ARHGEF26: variants seen among roughly 807,000 people sequenced by gnomAD.
The protein encoded by ARHGEF26 is Rho guanine nucleotide exchange factor (GEF) 26.
In ARHGEF26, 59 loss-of-function variants were observed where a neutral mutation model predicts 89.4. That is an observed-to-expected ratio of 0.66 (90% CI 0.54 to 0.82). The LOEUF (loss-of-function observed/expected upper bound fraction) is 0.82, where lower values mean the gene tolerates loss of function less well. Ranked by LOEUF, ARHGEF26 falls within the 40% of genes least tolerant of loss-of-function variation. ARHGEF26 has a pLI of 0.00. For synonymous variants in ARHGEF26, 500 were observed against 428.4 expected (o/e 1.17, Z -2.06); for missense variants, 1,234 against 1,085.6 (o/e 1.14, Z -1.92).
intron 6 of ARHGEF26, among the ~76,000 whole-genome samples, chr3:154,176,156 G>A (rs570015039): frequency 6.6e-6 from 1 of 152,160 alleles, no homozygotes; most frequent in Non-Finnish European, 1.5e-5. Context: ...CTATCACCCT[G>A]TGAAAGGATC....
chr3:154,252,460 T>G (rs1412099003), intron 12 of ARHGEF26, among the ~76,000 whole-genome samples: 1 of 152,208 alleles, frequency 6.6e-6, no homozygotes, highest in Non-Finnish European at 1.5e-5. Context: ...AAGTGCTTGC[T>G]TATCTGAAAC....
chr3:154,163,307 G>A (rs184047326), intron 6 of ARHGEF26, among the ~76,000 whole-genome samples: 7 of 152,248 alleles, frequency 4.6e-5, no homozygotes, highest in Admixed American at 4.6e-4. Flanking sequence ...ACAACATTGT[G>A]TGGACTTACT....
Position 154,191,406 on chromosome 3 carries a change from C to T in ARHGEF26, c.1758C>T (p.Pro586=), listed in dbSNP as rs1713950791. The T allele has an allele frequency of 2.5e-6, 4 of 1,613,710 alleles. No individual in the cohort carries two copies. Among genetic ancestry groups the T allele is most frequent in the Non-Finnish European group, 3.4e-6 (4 of 1,179,762 alleles). The change falls in exon 8 of 15, where the codon CCC becomes CCT. Residue 586 remains proline, a synonymous_variant. Transcript: ENST00000465093. ...ILPMQRVTRL[P]LLMDTICQKT... is the part of the protein sequence containing the mutation. The stretch of plus-strand genomic sequence containing the variant: ...CCATGCAGAGGGTGACCCGCCTTCC[C>T]CTGCTGATGGATGTAAGACATGACG...
chr3:154,252,282 GATT>G (rs1343707436), intron 12 of ARHGEF26, among the ~76,000 whole-genome samples: 1 of 152,144 alleles, frequency 6.6e-6, no homozygotes, highest in African/African-American at 2.4e-5. Context: ...CTTTTGAGAG[GATT>G]ACATGGAATA....
chr3:154,216,788 G>T (rs1715780915), intron 9 of ARHGEF26, among the ~76,000 whole-genome samples: 2 of 69,456 alleles, frequency 2.9e-5, no homozygotes, highest in African/African-American at 6.8e-5. Flanking sequence ...CGCGGTGTTT[G>T]GTTTTTTGTT....
intron 4 of ARHGEF26, among the ~76,000 whole-genome samples, chr3:154,133,859 T>C (rs1718835404): frequency 6.6e-6 from 1 of 152,208 alleles, no homozygotes; most frequent in Non-Finnish European, 1.5e-5. Flanking sequence ...TTTGTTTATG[T>C]CATCCCTGAT....
At chr3:154,121,786 C>G (rs1416440794) in intron 1 of ARHGEF26, among the ~76,000 whole-genome samples, 156 bp from the exon 2 acceptor site, 1 of 152,188 alleles carries the variant, frequency 6.6e-6, no homozygotes, top group African/African-American at 2.4e-5. Context: ...AACCGCGCAC[C>G]GCAGTGGTGC....
At chr3:154,229,016 C>G (rs1716670876) in intron 11 of ARHGEF26, among the ~76,000 whole-genome samples, 1 of 152,102 alleles carries the variant, frequency 6.6e-6, no homozygotes, top group African/African-American at 2.4e-5. Context: ...CTCCTCCGAT[C>G]CAGACTGGCA....
intron 10 of ARHGEF26, among the ~76,000 whole-genome samples, chr3:154,221,348 T>C (rs1716114121): frequency 6.6e-6 from 1 of 152,214 alleles, no homozygotes; most frequent in Middle Eastern, 3.2e-3. Flanking sequence ...ATTGATGGAA[T>C]TGGAGAAAAA....
intron 4 of ARHGEF26, among the ~76,000 whole-genome samples, chr3:154,142,483 A>G (rs1190450221): frequency 1.3e-5 from 2 of 152,218 alleles, no homozygotes; most frequent in African/African-American, 2.4e-5. Context: ...CCTGCTTTGT[A>G]CATCTAATGG....
chr3:154,191,263 T>C, intron 7 of ARHGEF26, 26 bp from the exon 8 acceptor site: 1 of 1,580,774 alleles, frequency 6.3e-7, no homozygotes, highest in South Asian at 1.2e-5. Context: ...TATTTTGAAG[T>C]TTCTCTTTTC....
At position 154,164,401 on chromosome 3, in the gene ARHGEF26, A is replaced by T. The variant is rs368157967; in HGVS notation, c.1487+11469A>T. ...TAATTTTAAAAATATATTTATAAAAAATATCCTGAGGAACATATGATGAAT... is the reference window on the plus strand; with the variant it reads ...TAATTTTAAAAATATATTTATAAAATATATCCTGAGGAACATATGATGAAT... On this transcript the variant is annotated intron_variant, in intron 6 of 14. Coordinates refer to ENST00000465093, the MANE Select transcript of ARHGEF26 (RefSeq NM_015595.4). Among the ~76,000 whole-genome samples, 3 of 151,758 alleles carry T rather than the reference A, an allele frequency of 2.0e-5. No individual in the cohort carries two copies. In the East Asian group the frequency reaches 5.8e-4, roughly 29 times the overall value.
chr3:154,241,920 A>T (rs1464281477), intron 12 of ARHGEF26, among the ~76,000 whole-genome samples: 1 of 152,212 alleles, frequency 6.6e-6, no homozygotes, highest in African/African-American at 2.4e-5. Flanking sequence ...TCTTTGCTAA[A>T]ACTGGATTTT....
intron 6 of ARHGEF26, among the ~76,000 whole-genome samples, chr3:154,183,233 C>T (rs1713292820): frequency 1.3e-5 from 2 of 152,032 alleles, no homozygotes; most frequent in South Asian, 4.1e-4. Context: ...GGGAATGTTT[C>T]TAGGCAGCTT....
At chr3:154,224,684 G>C (rs1244815160) in intron 10 of ARHGEF26, among the ~76,000 whole-genome samples, 1 of 152,140 alleles carries the variant, frequency 6.6e-6, no homozygotes, top group African/African-American at 2.4e-5. Context: ...GTAATTGTCT[G>C]ATTTCGAGAT....
chr3:154,238,464 A>C (rs997266499), intron 11 of ARHGEF26, among the ~76,000 whole-genome samples: 4 of 152,180 alleles, frequency 2.6e-5, no homozygotes, highest in Non-Finnish European at 4.4e-5. Context: ...AAGATTATAA[A>C]GTTTTTCAAG....
At chr3:154,185,676 A>G (rs1326239909) in intron 6 of ARHGEF26, among the ~76,000 whole-genome samples, 8 of 152,286 alleles carry the variant, frequency 5.3e-5, no homozygotes, top group South Asian at 2.1e-4. Context: ...CATAGGCACT[A>G]TTGATTAAAT....
rs1718556854 is a variant in ARHGEF26 at position 154,129,651 on chromosome 3, C to G, written c.1201C>G (p.Gln401Glu). Residue 401 changes from glutamine (Q) to glutamate (E), a missense_variant, in exon 4 of 15, where the codon CAG becomes GAG. Physicochemically the swap from Gln to Glu is conservative, Grantham distance 29. Coordinates refer to ENST00000465093, the MANE Select transcript of ARHGEF26 (RefSeq NM_015595.4). Reference protein sequence around the residue: ...DSDEESEPKEQKSDEKIVIHH... With the variant: ...DSDEESEPKEEKSDEKIVIHH... ...TGATGAAGAGTCAGAGCCCAAAGAACAGAAGTCAGATGAAAAAATTGTGAT... is the reference window on the plus strand; with the variant it reads ...TGATGAAGAGTCAGAGCCCAAAGAAGAGAAGTCAGATGAAAAAATTGTGAT... 1 of 1,611,954 alleles carries G rather than the reference C, an allele frequency of 6.2e-7. No homozygotes were observed. Among genetic ancestry groups the G allele is most frequent in the Non-Finnish European group, 8.5e-7 (1 of 1,179,020 alleles).
chr3:154,213,199 C>G (rs1715487618), intron 9 of ARHGEF26, among the ~76,000 whole-genome samples: 1 of 65,838 alleles, frequency 1.5e-5, no homozygotes, highest in African/African-American at 5.5e-5. Context: ...TTACGAGTAA[C>G]ATAGAGAGAG....
Sources: gnomAD v4.1 joint callset for allele counts (sites outside exome capture counted in the v4.1 genomes callset) on GRCh38, gnomAD v4.1.1 for gene constraint, MANE v1.5 for transcripts, NCBI Gene and HGNC (gene_info 2026-07-23, HGNC 2026-07-21) for gene names.